HIF3A: variants seen among roughly 807,000 people sequenced by gnomAD.
HIF3A encodes the protein hypoxia-inducible factor 3-alpha.
HIF3A carries 41 observed loss-of-function variants against 67.2 expected under a neutral mutation model. The observed-to-expected ratio is 0.61, with a 90% confidence interval of 0.48 to 0.79. The LOEUF (loss-of-function observed/expected upper bound fraction) is 0.79, where lower values mean the gene tolerates loss of function less well. Ranked by LOEUF, HIF3A falls within the 30% of genes least tolerant of loss-of-function variation. The pLI, the probability that HIF3A is intolerant of heterozygous loss-of-function variation, is 0.00. For synonymous variants in HIF3A, 356 were observed against 374.8 expected, an observed-to-expected ratio of 0.95 and a Z score of 0.58; for missense variants, 855 against 898.0, an observed-to-expected ratio of 0.95 and a Z score of 0.61.
chr19:46,303,518 C>T, intron 1 of HIF3A: 1 of 1,126,684 alleles, frequency 8.9e-7, no homozygotes, highest in Non-Finnish European at 1.3e-6. Context: ...CCTCCTCTGG[C>T]CCCTGGCCAG....
chr19:46,304,125 G>C, intron 2 of HIF3A, 37 bp downstream of exon 2: 3 of 1,524,096 alleles, frequency 2.0e-6, no homozygotes, highest in Non-Finnish European at 2.6e-6. Context: ...TCTTGGTCAG[G>C]CCCCGCCCAC....
intron 8 of HIF3A, among the ~76,000 whole-genome samples, chr19:46,314,019 T>C (rs1350767276): frequency 6.6e-6 from 1 of 152,008 alleles, no homozygotes; most frequent in Admixed American, 6.6e-5. Flanking sequence ...TTCCATGGTA[T>C]GAATAGAGCA....
chr19:46,321,731 C>A (rs192786573), intron 9 of HIF3A, 45 bp from the exon 10 acceptor site: 1 of 1,571,818 alleles, frequency 6.4e-7, no homozygotes, highest in Non-Finnish European at 8.7e-7. Flanking sequence ...GCCCTTGGCC[C>A]TCAGTCACCA....
At chr19:46,328,692 A>G (rs977270769) in intron 11 of HIF3A, among the ~76,000 whole-genome samples, 16 of 150,234 alleles carry the variant, frequency 1.1e-4, no homozygotes, top group African/African-American at 3.7e-4. Flanking sequence ...CAATGTTCAG[A>G]TTTTGACCAA....
intron 8 of HIF3A, among the ~76,000 whole-genome samples, chr19:46,318,559 A>G (rs939832266): frequency 6.6e-6 from 1 of 150,410 alleles, no homozygotes; most frequent in African/African-American, 2.4e-5. Flanking sequence ...AAAAAAAAAA[A>G]AAAAAAAAAA....
chr19:46,321,734 A>C (rs774170898), intron 9 of HIF3A, 42 bp from the exon 10 acceptor site: 1 of 1,575,374 alleles, frequency 6.3e-7, no homozygotes, highest in Non-Finnish European at 8.7e-7. Flanking sequence ...CTTGGCCCTC[A>C]GTCACCAGCC....
intron 1 of HIF3A, among the ~76,000 whole-genome samples, chr19:46,302,725 T>C (rs1968451979): frequency 6.6e-6 from 1 of 151,994 alleles, no homozygotes; most frequent in Non-Finnish European, 1.5e-5. Flanking sequence ...AATACAAAAA[T>C]TAGCTGGGCG....
chr19:46,331,272 T>C lies in HIF3A; in HGVS notation c.1829T>C (p.Leu610Pro). Residue 610 changes from leucine (L) to proline (P), a missense_variant and splice_region_variant, in exon 13 of 15, where the codon CTG becomes CCG. Leu to Pro is a moderately conservative substitution (Grantham distance 98). Around this residue, in one of 3 missense-constraint regions of HIF3A, gnomAD observed 199 missense variants for 193.8 expected, o/e 1.03. Coordinates refer to ENST00000377670, the MANE Select transcript of HIF3A (RefSeq NM_152795.4). Reference protein sequence around the residue: ...HENFLLFPLSLSFLLTGGPAP... With the variant: ...HENFLLFPLSPSFLLTGGPAP... ...AACTTTCTGCTCTTTCCTCTCAGCC[T>C]GGTGTGTTGGGGGATTAATGGGATT... 6.2e-7 allele frequency: 1 copy of C among 1,611,160 alleles called. No individual in the cohort carries two copies. Among genetic ancestry groups the C allele is most frequent in the Admixed American group, 1.7e-5 (1 of 59,988 alleles).
intron 8 of HIF3A, chr19:46,313,470 A>AAC (rs1243133211): frequency 1.1e-5 from 2 of 189,808 alleles, no homozygotes; most frequent in African/African-American, 2.4e-5. Context: ...AAAAAAAAAA[A>AAC]AAAAAAAACC....
At chr19:46,327,488 C>T (rs1310513906) in intron 11 of HIF3A, among the ~76,000 whole-genome samples, 2 of 151,746 alleles carry the variant, frequency 1.3e-5, no homozygotes, top group Non-Finnish European at 2.9e-5. Flanking sequence ...GCCAATTTTT[C>T]GTATTTTTAG....
In HIF3A at chr19:46,334,940, C is replaced by A. The variant is rs773108070; in HGVS notation, c.1866C>A (p.Ser622Arg). Residue 622 changes from serine to arginine, a missense_variant, in exon 14 of 15, where the codon AGC becomes AGA. Transcript: ENST00000377670. Reference sequence around the variant, plus strand: ...TGACAGGAGGACCAGCCCCAGGGAGCCTGCAGGACCCCAGCACCCCACTCC... The same window carrying A: ...TGACAGGAGGACCAGCCCCAGGGAGACTGCAGGACCCCAGCACCCCACTCC... ...FLLTGGPAPG[S>R]LQDPSTPLLN... The A allele has an allele frequency of 1.2e-6, 2 of 1,609,292 alleles. No individual in the cohort carries two copies. Among genetic ancestry groups the A allele is most frequent in the African/African-American group, 1.3e-5 (1 of 75,022 alleles).
intron 10 of HIF3A, among the ~76,000 whole-genome samples, chr19:46,324,547 G>T (rs947787171): frequency 1.3e-5 from 2 of 152,078 alleles, no homozygotes; most frequent in Non-Finnish European, 2.9e-5. Context: ...AACCCCAGAG[G>T]ATTTGTTTGA....
intron 1 of HIF3A, chr19:46,303,643 A>T: frequency 6.3e-7 from 1 of 1,583,676 alleles, no homozygotes; most frequent in Non-Finnish European, 8.6e-7. Context: ...CGCGCCACAG[A>T]GAGGAGCGAG....
Position 46,297,936 on chromosome 19 carries a change from C to T in HIF3A, c.26+834C>T, listed in dbSNP as rs922295277. The stretch of plus-strand genomic sequence containing the variant: ...AGGCTGTGATGGGAACGCCCCCTGC[C>T]GCAGTACTCAGATGGGGTCATCCCG... On this transcript the variant is annotated intron_variant, in intron 1 of 14. Coordinates refer to ENST00000377670, the MANE Select transcript of HIF3A (RefSeq NM_152795.4). This position sits in a 1 kb window ranked among gnomAD's most constrained non-coding sequence, Gnocchi z 4.5. Among the ~76,000 whole-genome samples, 1 of 152,030 alleles carries T rather than the reference C, an allele frequency of 6.6e-6. No homozygotes were observed. The highest frequency in any genetic ancestry group is 2.4e-5 in the African/African-American group (1 of 41,390).
intron 8 of HIF3A, among the ~76,000 whole-genome samples, chr19:46,315,095 GAGTCTC>G (rs1464081173): frequency 1.5e-4 from 10 of 68,652 alleles, no homozygotes; most frequent in African/African-American, 4.6e-4. Context: ...TTTTGAGACA[GAGTCTC>G]ATTCTGTTGC....
rs746428995 is a variant in HIF3A at position 46,305,316 on chromosome 19, G to C, written c.289G>C (p.Val97Leu). The stretch of plus-strand genomic sequence containing the variant: ...CTACCTGAAGGCCCTGGAGGGCTTC[G>C]TCATGGTGCTCACCGCCGAGGGAGA... ...ACYLKALEGF[V>L]MVLTAEGDMA... is the part of the protein sequence containing the mutation. The change falls in exon 3 of 15, where the codon GTC becomes CTC. Residue 97 changes from valine to leucine, a missense_variant. Physicochemically the swap from Val to Leu is conservative, Grantham distance 32 (BLOSUM62 1). Coordinates refer to ENST00000377670, the MANE Select transcript of HIF3A (RefSeq NM_152795.4). 1 of 1,614,134 alleles carries C rather than the reference G, an allele frequency of 6.2e-7. No individual in the cohort carries two copies. The highest frequency in any genetic ancestry group is 1.1e-5 in the South Asian group (1 of 91,084).
At chr19:46,306,005 G>A (rs1444751715) in intron 3 of HIF3A, among the ~76,000 whole-genome samples, 1 of 152,178 alleles carries the variant, frequency 6.6e-6, no homozygotes, top group African/African-American at 2.4e-5. Context: ...TGTGAGCCTG[G>A]GAGGTGGAAG....
chr19:46,325,773 G>A (rs1970739557), intron 11 of HIF3A, 134 bp downstream of exon 11: 2 of 608,828 alleles, frequency 3.3e-6, no homozygotes, highest in Non-Finnish European at 5.9e-6. Context: ...TTCATTAGGT[G>A]GATGATGGTG....
chr19:46,331,068 G>C, intron 12 of HIF3A, 88 bp from the exon 13 acceptor site: 2 of 938,872 alleles, frequency 2.1e-6, no homozygotes, highest in Non-Finnish European at 3.3e-6. Context: ...GCTCAGGGGA[G>C]TGAATGAATG....
Sources: allele counts gnomAD v4.1 joint callset (sites outside exome capture counted in the v4.1 genomes callset), GRCh38; gene constraint gnomAD v4.1.1; regional missense constraint gnomAD v4.1.1; non-coding constraint Gnocchi (gnomAD v3.1); transcripts MANE v1.5; gene names NCBI Gene and HGNC (gene_info 2026-07-23, HGNC 2026-07-21).